Variants in ENTHD1 observed in about 807,000 individuals in gnomAD.
ENTHD1 encodes the protein ENTH domain-containing protein 1.
ENTHD1 carries 23 observed loss-of-function variants against 39.1 expected under a neutral mutation model. That is an observed-to-expected ratio of 0.59 (90% confidence interval 0.42 to 0.83). The LOEUF is 0.83. ENTHD1 is among the 40% of genes least tolerant of loss of function. ENTHD1 has a pLI of 0.00. For missense variants in ENTHD1, 624 were observed against 705.4 expected (o/e 0.88, Z 1.31); for synonymous variants, 230 against 258.2 (o/e 0.89, Z 1.05).
intron 5 of ENTHD1, among the ~76,000 whole-genome samples, chr22:39,804,241 T>C (rs1405093017): frequency 6.6e-6 from 1 of 151,782 alleles, no homozygotes; most frequent in Non-Finnish European, 1.5e-5. Context: ...ATCCCAGCAC[T>C]TTGGGAGGTT....
intron 3 of ENTHD1, among the ~76,000 whole-genome samples, chr22:39,848,282 T>TC (rs1479182452): frequency 6.6e-6 from 1 of 150,592 alleles, no homozygotes; most frequent in Non-Finnish European, 1.5e-5. Context: ...TGAGACGGAG[T>TC]CTCACTCTGT....
intron 6 of ENTHD1, among the ~76,000 whole-genome samples, chr22:39,746,572 G>A (rs564090443): frequency 1.4e-4 from 22 of 152,212 alleles, no homozygotes; most frequent in Non-Finnish European, 2.8e-4. Context: ...GGAACGTTGA[G>A]TGTGTGTATG....
At chr22:39,868,419 G>A (rs2146738004) in intron 2 of ENTHD1, among the ~76,000 whole-genome samples, 1 of 148,034 alleles carries the variant, frequency 6.8e-6, no homozygotes, top group East Asian at 2.0e-4. Flanking sequence ...ACTCAAAATA[G>A]CCTAAACACT....
chr22:39,746,710 G>A (rs2146528014), intron 6 of ENTHD1, among the ~76,000 whole-genome samples: 1 of 152,288 alleles, frequency 6.6e-6, no homozygotes, highest in East Asian at 1.9e-4. Context: ...CTACCTAGAG[G>A]GTAAAGGTCT....
At chr22:39,873,462 C>T (rs961888936) in intron 2 of ENTHD1, among the ~76,000 whole-genome samples, 2 of 152,092 alleles carry the variant, frequency 1.3e-5, no homozygotes, top group African/African-American at 4.8e-5. Context: ...TTTTAAGACT[C>T]AACTAGGAGA....
At chr22:39,855,985 C>T (rs924347964) in intron 3 of ENTHD1, among the ~76,000 whole-genome samples, 1 of 152,114 alleles carries the variant, frequency 6.6e-6, no homozygotes, top group African/African-American at 2.4e-5. Flanking sequence ...AAGAATGTCC[C>T]CCTCGTGGCC....
chr22:39,768,926 G>A (rs775376991), intron 5 of ENTHD1, among the ~76,000 whole-genome samples: 8 of 151,976 alleles, frequency 5.3e-5, no homozygotes, highest in South Asian at 4.2e-4. Context: ...GCCAATGAAC[G>A]ATGAATTCCT....
intron 5 of ENTHD1, among the ~76,000 whole-genome samples, chr22:39,803,007 C>T (rs192575458): frequency 7.4e-4 from 113 of 152,268 alleles, no homozygotes; most frequent in Middle Eastern, 3.4e-3. Flanking sequence ...CTTCTGCTCG[C>T]ACTTCCTCCC....
At chr22:39,763,458 A>C (rs999514499) in intron 6 of ENTHD1, among the ~76,000 whole-genome samples, 1 of 152,100 alleles carries the variant, frequency 6.6e-6, no homozygotes, top group Non-Finnish European at 1.5e-5. Flanking sequence ...TCAAACTCCT[A>C]CCGTGTCTCC....
intron 5 of ENTHD1, among the ~76,000 whole-genome samples, chr22:39,773,250 C>T (rs1394019435): frequency 2.6e-5 from 4 of 151,612 alleles, no homozygotes; most frequent in Non-Finnish European, 5.9e-5. Flanking sequence ...AAAATATCAG[C>T]GGGGATCTAG....
chr22:39,886,082 GA>G lies in ENTHD1; in HGVS notation c.349+1317del, dbSNP rs1158589166. 2.7e-5 allele frequency among the ~76,000 whole-genome samples: 4 copies of G among 150,744 alleles called. No homozygotes were observed. The East Asian group carries it at 5.8e-4, about 22-fold the overall frequency. ...AGTTTTTTTTTTTAAAAAAAGGGAA[GA>G]AAAAAATAAACTCTCAAGCTATGAA... On this transcript the variant is annotated intron_variant, in intron 2 of 6. Transcript: ENST00000325157.
intron 5 of ENTHD1, 106 bp downstream of exon 5, chr22:39,820,887 A>G: frequency 8.2e-7 from 1 of 1,215,944 alleles, no homozygotes. Context: ...GAATTTATCC[A>G]TGCTAGTTCT....
chr22:39,852,594 C>A (rs1052394347), intron 3 of ENTHD1, among the ~76,000 whole-genome samples: 1 of 152,126 alleles, frequency 6.6e-6, no homozygotes, highest in Non-Finnish European at 1.5e-5. Context: ...GCTTACTATA[C>A]ACCTGGGCTA....
chr22:39,870,278 G>C (rs2066231404), intron 2 of ENTHD1, among the ~76,000 whole-genome samples: 1 of 151,870 alleles, frequency 6.6e-6, no homozygotes, highest in Non-Finnish European at 1.5e-5. Context: ...CAAAGTGATG[G>C]GATTACAGGT....
At chr22:39,795,962 T>C (rs925465592) in intron 5 of ENTHD1, among the ~76,000 whole-genome samples, 13 of 152,152 alleles carry the variant, frequency 8.5e-5, no homozygotes, top group Non-Finnish European at 1.5e-4. Context: ...CTTTTTTATT[T>C]TCTTATTTAG....
intron 5 of ENTHD1, among the ~76,000 whole-genome samples, chr22:39,812,821 C>T (rs1243253315): frequency 6.6e-6 from 1 of 152,106 alleles, no homozygotes; most frequent in African/African-American, 2.4e-5. Context: ...CTTGCTCTGT[C>T]GCCCAGGCTG....
chr22:39,821,544 A>G (rs971142899), intron 4 of ENTHD1, among the ~76,000 whole-genome samples: 6 of 152,252 alleles, frequency 3.9e-5, no homozygotes, highest in Non-Finnish European at 7.3e-5. Context: ...AGGTTAAACA[A>G]TAATCAACTG....
In ENTHD1 at chr22:39,789,279, G is replaced by C. The variant is rs111368355; in HGVS notation, c.833-23670C>G. ...TATCTCTTCCATTTTAAATACATAG[G>C]CCCTTTTCATTATTGTGTTTCATCT... On this transcript the variant is annotated intron_variant, in intron 5 of 6. Coordinates refer to ENST00000325157, the MANE Select transcript of ENTHD1 (RefSeq NM_152512.4). Among the ~76,000 whole-genome samples the C allele has an allele frequency of 4.1e-3, 628 of 152,024 alleles. 11 individuals carry two copies. Among genetic ancestry groups the C allele is most frequent in the African/African-American group, 0.014 (596 of 41,470 alleles).
rs1283483827 is a variant in ENTHD1, at chr22:39,862,578, T to C, written c.350-571A>G. 2.8e-5 allele frequency among the ~76,000 whole-genome samples: 4 copies of C among 144,884 alleles called. No individual in the cohort carries two copies. The South Asian group carries it at 6.5e-4, about 24-fold the overall frequency. On this transcript the variant is annotated intron_variant, in intron 2 of 6. Coordinates refer to ENST00000325157, the MANE Select transcript of ENTHD1 (RefSeq NM_152512.4). ...AAAAAAAAAAAGAAAGAAAAAGCAA[T>C]AATACTTTGCAATAATCAAACAATA...
Sources: gnomAD v4.1 joint callset for allele counts (sites outside exome capture counted in the v4.1 genomes callset) on GRCh38, gnomAD v4.1.1 for gene constraint, MANE v1.5 for transcripts, NCBI Gene and HGNC (gene_info 2026-07-23, HGNC 2026-07-21) for gene names.